The following TRHDE variants were observed in gnomAD, a reference collection of about 807,000 sequenced individuals.
The protein encoded by TRHDE is thyrotropin releasing hormone degrading enzyme.
Under a neutral mutation model 125.7 loss-of-function variants are expected in TRHDE, and 72 were observed. The ratio of observed to expected loss-of-function variants is 0.57; its 90% confidence interval spans 0.47 to 0.70. The LOEUF (loss-of-function observed/expected upper bound fraction) is 0.70, where lower values mean the gene tolerates loss of function less well. Among genes scored for constraint, TRHDE ranks in the 30% least tolerant of loss-of-function variants. TRHDE has a pLI of 0.00. For synonymous variants in TRHDE, 509 were observed against 509.1 expected, an observed-to-expected ratio of 1.00 and a Z score of 0.00; for missense variants, 1,110 against 1,327.1, an observed-to-expected ratio of 0.84 and a Z score of 2.54.
intron 2 of TRHDE, among the ~76,000 whole-genome samples, chr12:72,199,138 A>G (rs534802168): frequency 6.6e-6 from 1 of 152,324 alleles, no homozygotes; most frequent in South Asian, 2.1e-4. Context: ...GGGTGAGGAC[A>G]TAGAACCAAA....
At chr12:72,156,381 C>T (rs1049754399) in intron 2 of TRHDE, among the ~76,000 whole-genome samples, 2 of 152,178 alleles carry the variant, frequency 1.3e-5, no homozygotes, top group Non-Finnish European at 2.9e-5. Context: ...GGCTCATGCT[C>T]GGTGCACTGC....
intron 3 of TRHDE, among the ~76,000 whole-genome samples, chr12:72,417,936 G>A (rs1332723338): frequency 2.6e-5 from 4 of 151,788 alleles, no homozygotes; most frequent in Non-Finnish European, 4.4e-5. Context: ...TTAATATATG[G>A]CCATTGTCTA....
At chr12:72,570,829 T>C (rs1870690841) in intron 10 of TRHDE, among the ~76,000 whole-genome samples, 1 of 152,218 alleles carries the variant, frequency 6.6e-6, no homozygotes, top group African/African-American at 2.4e-5. Flanking sequence ...GGCGGTGATA[T>C]GAATGGCACA....
chr12:72,246,602 A>G (rs1878580455), intron 2 of TRHDE, among the ~76,000 whole-genome samples: 1 of 152,180 alleles, frequency 6.6e-6, no homozygotes, highest in Non-Finnish European at 1.5e-5. Context: ...CTCGCTTAAC[A>G]TAAATAGCTC....
chr12:72,353,836 G>A (rs1430568255), intron 2 of TRHDE, among the ~76,000 whole-genome samples: 1 of 151,640 alleles, frequency 6.6e-6, no homozygotes, highest in African/African-American at 2.4e-5. Context: ...CTATTGATGG[G>A]TGTGTAAAAT....
rs536679390 is a variant in TRHDE at position 72,640,105 on chromosome 12, C to G, written c.2676-12217C>G. Among the ~76,000 whole-genome samples the G allele has an allele frequency of 8.1e-3, 1,233 of 152,316 alleles. 11 individuals are homozygous for G. The highest frequency in any genetic ancestry group is 0.028 in the African/African-American group (1,166 of 41,574). ...ATGGTGGACGCCCCTCCCCCAGCCTCGCTGCCGCCTTGCAGTTTGATCTCA... is the reference window on the plus strand; with the variant it reads ...ATGGTGGACGCCCCTCCCCCAGCCTGGCTGCCGCCTTGCAGTTTGATCTCA... On this transcript the variant is annotated intron_variant, in intron 15 of 18. Transcript: ENST00000261180.
Position 72,163,556 on chromosome 12 carries a change from T to C in TRHDE, n.279+57804T>C, listed in dbSNP as rs546353641. On this transcript the variant is annotated intron_variant and non_coding_transcript_variant, in intron 2 of 4. Coordinates refer to the TRHDE transcript ENST00000548156. Reference sequence around the variant, plus strand: ...TATGTGTGGGAAATGGATTTTGATGTTGCTAGACCAAGGCTTTGATAGGTC... The same window carrying C: ...TATGTGTGGGAAATGGATTTTGATGCTGCTAGACCAAGGCTTTGATAGGTC... Among the ~76,000 whole-genome samples the C allele has an allele frequency of 2.0e-5, 3 of 152,336 alleles. No homozygotes were observed. The South Asian group carries it at 6.2e-4, about 32-fold the overall frequency.
At chr12:72,176,495 C>T (rs1364097348) in intron 2 of TRHDE, among the ~76,000 whole-genome samples, 2 of 152,066 alleles carry the variant, frequency 1.3e-5, no homozygotes, top group African/African-American at 2.4e-5. Flanking sequence ...TTTGTGCTTT[C>T]CACACTAAAA....
At chr12:72,457,805 C>T (rs1317448856) in intron 3 of TRHDE, among the ~76,000 whole-genome samples, 1 of 152,202 alleles carries the variant, frequency 6.6e-6, no homozygotes, top group Non-Finnish European at 1.5e-5. Flanking sequence ...ACTTCATACT[C>T]ACACTGTCTA....
chr12:72,342,574 T>C (rs539451685), intron 2 of TRHDE, among the ~76,000 whole-genome samples: 6 of 152,284 alleles, frequency 3.9e-5, no homozygotes, highest in Admixed American at 1.3e-4. Context: ...TTATTTTCAT[T>C]AACTAGTGAG....
chr12:72,606,285 G>A (rs1420705715), intron 12 of TRHDE, among the ~76,000 whole-genome samples: 1 of 152,058 alleles, frequency 6.6e-6, no homozygotes, highest in Non-Finnish European at 1.5e-5. Context: ...ATTTTCCCTT[G>A]GCAATTACAC....
intron 2 of TRHDE, among the ~76,000 whole-genome samples, chr12:72,109,469 A>G (rs2139294130): frequency 6.6e-6 from 1 of 152,186 alleles, no homozygotes; most frequent in Admixed American, 6.6e-5. Context: ...ATATCACATA[A>G]TAAGTAAGAA....
chr12:72,311,688 A>C (rs1318690384), intron 2 of TRHDE, among the ~76,000 whole-genome samples: 1 of 152,182 alleles, frequency 6.6e-6, no homozygotes, highest in Admixed American at 6.6e-5. Context: ...TGTTTTGTCC[A>C]TTATATTGGC....
chr12:72,574,813 A>G (rs967549067), intron 10 of TRHDE, among the ~76,000 whole-genome samples: 1 of 152,152 alleles, frequency 6.6e-6, no homozygotes, highest in Non-Finnish European at 1.5e-5. Flanking sequence ...GGCAAACAAC[A>G]GTGACTTTCA....
chr12:72,616,133 G>T (rs1245654749), intron 12 of TRHDE, among the ~76,000 whole-genome samples: 1 of 152,078 alleles, frequency 6.6e-6, no homozygotes, highest in Non-Finnish European at 1.5e-5. Flanking sequence ...CCATTTCTCT[G>T]TTTAATGAAT....
chr12:72,387,423 G>C (rs1002104239), intron 3 of TRHDE, among the ~76,000 whole-genome samples: 1 of 151,952 alleles, frequency 6.6e-6, no homozygotes, highest in African/African-American at 2.4e-5. Flanking sequence ...ATACTCTTTT[G>C]CTTTCCATTG....
At position 72,469,816 on chromosome 12, in the gene TRHDE, T is replaced by C; in HGVS notation, c.1374T>C (p.Ile458=). Residue 458 remains isoleucine (I), a synonymous_variant, in exon 4 of 19, where the codon ATT becomes ATC. Transcript: ENST00000261180. ...CTATGGAGAACTGGGGACTAAGTAT[T>C]TTTGTGGAACAAAGAATACTGCTGG... The part of the protein sequence containing the change: ...YAAMENWGLS[I]FVEQRILLDP... 1 of 1,614,124 alleles carries C rather than the reference T, an allele frequency of 6.2e-7. No homozygotes were observed. Among genetic ancestry groups the C allele is most frequent in the Middle Eastern group, 1.6e-4 (1 of 6,062 alleles).
At chr12:72,566,293 A>C (rs1485435563) in intron 9 of TRHDE, among the ~76,000 whole-genome samples, 1 of 151,966 alleles carries the variant, frequency 6.6e-6, no homozygotes, top group South Asian at 2.1e-4. Context: ...TAGAGTAGAG[A>C]AAAATTATTC....
chr12:72,340,336 A>G (rs1424105324), intron 2 of TRHDE, among the ~76,000 whole-genome samples: 1 of 152,144 alleles, frequency 6.6e-6, no homozygotes, highest in Non-Finnish European at 1.5e-5. Context: ...ACTCTGCATA[A>G]AGTGAATGGC....
Sources: allele counts gnomAD v4.1 joint callset (sites outside exome capture counted in the v4.1 genomes callset), GRCh38; gene constraint gnomAD v4.1.1; transcripts MANE v1.5; gene names NCBI Gene and HGNC (gene_info 2026-07-23, HGNC 2026-07-21).